TMEM232: variants seen among roughly 807,000 people sequenced by gnomAD.
TMEM232 encodes the protein transmembrane protein 232.
Under a neutral mutation model 78.8 loss-of-function variants are expected in TMEM232, and 80 were observed. The ratio of observed to expected loss-of-function variants is 1.01; its 90% CI spans 0.85 to 1.22. The LOEUF is 1.22. Among genes scored for constraint, TMEM232 ranks in the 50% most tolerant of loss-of-function variants. TMEM232 has a pLI of 0.00. For missense variants in TMEM232, 881 were observed against 742.2 expected, an observed-to-expected ratio of 1.19 and a Z score of -2.17; for synonymous variants, 297 against 254.3, an observed-to-expected ratio of 1.17 and a Z score of -1.60.
intron 11 of TMEM232, among the ~76,000 whole-genome samples, chr5:110,541,433 A>G (rs1773102046): frequency 6.6e-6 from 1 of 152,186 alleles, no homozygotes; most frequent in South Asian, 2.1e-4. Flanking sequence ...CTAACAGAAC[A>G]GAGAAGGTAA....
intron 11 of TMEM232, among the ~76,000 whole-genome samples, chr5:110,567,469 T>C (rs758923240): frequency 1.3e-5 from 2 of 151,840 alleles, no homozygotes; most frequent in Non-Finnish European, 2.9e-5. Context: ...TTTCTGTGTG[T>C]TTTTCCTTTA....
chr5:110,703,606 T>C (rs913712854), intron 1 of TMEM232, among the ~76,000 whole-genome samples: 14 of 152,106 alleles, frequency 9.2e-5, no homozygotes, highest in Admixed American at 3.3e-4. Context: ...AAGATGTGCA[T>C]GTTTTCTCAT....
At position 110,444,082 on chromosome 5, in the gene TMEM232, C is replaced by A. The variant is rs78837420; in HGVS notation, c.1704-19166G>T. The stretch of plus-strand genomic sequence containing the variant: ...GGTGATGCAAGCACTCCCTTCGCTG[C>A]CCTGGCTGGTATCTCCTTAGGTCAT... On this transcript the variant is annotated intron_variant, in intron 12 of 13. Transcript: ENST00000455884. 5.5e-3 allele frequency among the ~76,000 whole-genome samples: 844 copies of A among 152,184 alleles called. 5 individuals are homozygous for A. The highest frequency in any genetic ancestry group is 9.4e-3 in the Non-Finnish European group (641 of 67,996).
intron 1 of TMEM232, among the ~76,000 whole-genome samples, chr5:110,697,942 T>C (rs986071047): frequency 2.6e-5 from 4 of 152,186 alleles, no homozygotes; most frequent in South Asian, 2.1e-4. Context: ...ACTGGGTATA[T>C]ACCCAAAGGA....
intron 5 of TMEM232, among the ~76,000 whole-genome samples, chr5:110,629,317 T>C (rs917780883): frequency 6.6e-6 from 1 of 152,058 alleles, no homozygotes; most frequent in East Asian, 1.9e-4. Flanking sequence ...TGAATAACAT[T>C]TGTATTTATA....
At chr5:110,539,599 A>G (rs1394787388) in intron 11 of TMEM232, among the ~76,000 whole-genome samples, 2 of 152,236 alleles carry the variant, frequency 1.3e-5, no homozygotes, top group African/African-American at 2.4e-5. Flanking sequence ...ACACTTGGAC[A>G]GTGCTCCCTC....
intron 11 of TMEM232, among the ~76,000 whole-genome samples, chr5:110,554,921 T>C (rs1157107913): frequency 1.3e-5 from 2 of 152,192 alleles, no homozygotes; most frequent in African/African-American, 4.8e-5. Flanking sequence ...ATCTATTCCT[T>C]CTAGGTTTTC....
intron 1 of TMEM232, among the ~76,000 whole-genome samples, chr5:110,673,683 T>C (rs920442378): frequency 3.9e-5 from 6 of 152,272 alleles, no homozygotes; most frequent in South Asian, 4.1e-4. Flanking sequence ...TCACTGTTGA[T>C]TGCACTGGGC....
intron 1 of TMEM232, among the ~76,000 whole-genome samples, chr5:110,697,536 T>C (rs1389777988): frequency 6.6e-6 from 1 of 152,078 alleles, no homozygotes; most frequent in Admixed American, 6.6e-5. Context: ...AGAAAATTTT[T>C]ACAATCTACT....
intron 2 of TMEM232, among the ~76,000 whole-genome samples, chr5:110,410,764 A>G (rs1340366455): frequency 6.6e-6 from 1 of 152,172 alleles, no homozygotes; most frequent in Non-Finnish European, 1.5e-5. Flanking sequence ...GTATTACCAC[A>G]TTTCAAGAAG....
At chr5:110,620,692 G>A (rs917593900) in intron 7 of TMEM232, among the ~76,000 whole-genome samples, 2 of 123,718 alleles carry the variant, frequency 1.6e-5, no homozygotes, top group African/African-American at 6.2e-5. Context: ...TCCCTCTCTC[G>A]GCAACAAGTA....
intron 11 of TMEM232, among the ~76,000 whole-genome samples, chr5:110,547,777 C>T (rs887509575): frequency 4.6e-5 from 7 of 151,904 alleles, no homozygotes; most frequent in African/African-American, 1.7e-4. Flanking sequence ...ATGGGCAGAT[C>T]ACTTGAGGTC....
chr5:110,707,108 A>G (rs1795999288), intron 1 of TMEM232, among the ~76,000 whole-genome samples: 1 of 152,202 alleles, frequency 6.6e-6, no homozygotes, highest in African/African-American at 2.4e-5. Context: ...ATAGAAGCCT[A>G]CACCACTTGG....
At chr5:110,651,747 C>T (rs1788337927) in intron 2 of TMEM232, among the ~76,000 whole-genome samples, 1 of 151,976 alleles carries the variant, frequency 6.6e-6, no homozygotes, top group Non-Finnish European at 1.5e-5. Flanking sequence ...GGAATTAGAG[C>T]ATGTTGACTT....
chr5:110,534,727 T>C (rs918188088), intron 11 of TMEM232, among the ~76,000 whole-genome samples: 1 of 152,176 alleles, frequency 6.6e-6, no homozygotes, highest in Non-Finnish European at 1.5e-5. Flanking sequence ...ACTCTTAAAG[T>C]AAATAAATAA....
chr5:110,736,461 GCA>G (rs1300047006), intron 1 of TMEM232, among the ~76,000 whole-genome samples: 1 of 152,088 alleles, frequency 6.6e-6, no homozygotes, highest in Non-Finnish European at 1.5e-5. Context: ...TATCATTTTA[GCA>G]CATTCTTCTA....
chr5:110,456,403 TC>T (rs1760904361), intron 12 of TMEM232, among the ~76,000 whole-genome samples: 1 of 151,796 alleles, frequency 6.6e-6, no homozygotes, highest in South Asian at 2.1e-4. Context: ...TCAAAACAGA[TC>T]TAAATAAAAG....
At chr5:110,648,538 T>C (rs1209294058) in intron 2 of TMEM232, among the ~76,000 whole-genome samples, 2 of 152,064 alleles carry the variant, frequency 1.3e-5, no homozygotes, top group African/African-American at 4.8e-5. Flanking sequence ...GGTATGTTTG[T>C]GAATAAAGGG....
intron 11 of TMEM232, among the ~76,000 whole-genome samples, chr5:110,547,203 C>T (rs1453535542): frequency 6.6e-6 from 1 of 152,140 alleles, no homozygotes; most frequent in Non-Finnish European, 1.5e-5. Context: ...TGGCATTAGT[C>T]TGTTTAACTT....
Sources: gnomAD v4.1 joint callset for allele counts (sites outside exome capture counted in the v4.1 genomes callset) on GRCh38, gnomAD v4.1.1 for gene constraint, MANE v1.5 for transcripts, NCBI Gene and HGNC (gene_info 2026-07-23, HGNC 2026-07-21) for gene names.